NWD2: variants seen among roughly 807,000 people sequenced by gnomAD.
The protein encoded by NWD2 is NACHT and WD repeat domain-containing protein 2.
A neutral mutation model predicts 132.7 loss-of-function variants in NWD2; 37 were observed. That is an observed-to-expected ratio of 0.28 (90% CI 0.21 to 0.37). The LOEUF (loss-of-function observed/expected upper bound fraction) is 0.37. Among genes scored for constraint, NWD2 ranks in the 10% least tolerant of loss-of-function variants. The pLI is 1.00. For missense variants in NWD2, 1,592 were observed against 2,122.4 expected (o/e 0.75, Z 4.91); for synonymous variants, 705 against 803.0 (o/e 0.88, Z 2.06).
rs1162403325 is a variant in NWD2 at position 37,446,958 on chromosome 4, T to C, written c.4970T>C (p.Ile1657Thr). Residue 1657 changes from isoleucine (I) to threonine (T), a missense_variant, in exon 7 of 7, where the codon ATT becomes ACT. By Grantham distance (89) the Ile-to-Thr change is moderately conservative. Coordinates refer to ENST00000309447, the MANE Select transcript of NWD2 (RefSeq NM_001144990.2). The surrounding 1 kb of genome is among the most constrained non-coding windows in gnomAD (Gnocchi z 6.7). Reference sequence around the variant, plus strand: ...GTAGATGCTGCACTGAAAATCAAAATTGCCACTTCAAATAGCAGACAAATT... The same window carrying C: ...GTAGATGCTGCACTGAAAATCAAAACTGCCACTTCAAATAGCAGACAAATT... ...DRVDAALKIK[I>T]ATSNSRQIFN... 3.2e-6 allele frequency: 5 copies of C among 1,551,538 alleles called. No individual in the cohort carries two copies. The highest frequency in any genetic ancestry group is 1.2e-5 in the South Asian group (1 of 84,040).
intron 2 of NWD2, among the ~76,000 whole-genome samples, chr4:37,335,299 G>GT (rs1560397957): frequency 1.7e-4 from 8 of 47,658 alleles, no homozygotes; most frequent in Middle Eastern, 7.8e-3. Context: ...TGGGGGGTGG[G>GT]CGGGGGGGGG....
intron 3 of NWD2, among the ~76,000 whole-genome samples, chr4:37,396,162 CT>C (rs1178994309): frequency 2.6e-5 from 4 of 152,146 alleles, no homozygotes; most frequent in African/African-American, 9.7e-5. Context: ...ACTGGGAGCT[CT>C]TTCATGGAGC....
At chr4:37,393,479 A>T (rs2109312614) in intron 3 of NWD2, among the ~76,000 whole-genome samples, 1 of 152,338 alleles carries the variant, frequency 6.6e-6, no homozygotes. Context: ...AAAATCCATA[A>T]TTACTCAATA....
chr4:37,394,167 G>A (rs1285694721), intron 3 of NWD2, among the ~76,000 whole-genome samples: 1 of 152,140 alleles, frequency 6.6e-6, no homozygotes, highest in Non-Finnish European at 1.5e-5. Context: ...TAACCACACT[G>A]AGCACTTAAG....
intron 1 of NWD2, among the ~76,000 whole-genome samples, chr4:37,304,993 C>A (rs1037321887): frequency 8.5e-5 from 13 of 152,182 alleles, no homozygotes; most frequent in Non-Finnish European, 1.5e-4. Context: ...CAAACTTCTT[C>A]CTGGACATCC....
chr4:37,423,826 T>C lies in NWD2; in HGVS notation c.358-6746T>C, dbSNP rs1046538440. 2.0e-5 allele frequency among the ~76,000 whole-genome samples: 3 copies of C among 152,298 alleles called. No individual in the cohort carries two copies. The East Asian group carries it at 5.8e-4, about 29-fold the overall frequency. Reference sequence around the variant, plus strand: ...ACCATCACATCCCCATTTCTCCATTTCCCCTTTCTACTTGTGACATGAGAA... The same window carrying C: ...ACCATCACATCCCCATTTCTCCATTCCCCCTTTCTACTTGTGACATGAGAA... On this transcript the variant is annotated intron_variant, in intron 3 of 6. Coordinates refer to ENST00000309447, the MANE Select transcript of NWD2 (RefSeq NM_001144990.2).
chr4:37,394,274 G>GT (rs2109312897), intron 3 of NWD2, among the ~76,000 whole-genome samples: 1 of 152,220 alleles, frequency 6.6e-6, no homozygotes, highest in African/African-American at 2.4e-5. Flanking sequence ...CATCTTTGTT[G>GT]TTTTCACGTG....
chr4:37,265,751 C>T (rs577703370), intron 1 of NWD2, among the ~76,000 whole-genome samples: 1 of 152,066 alleles, frequency 6.6e-6, no homozygotes, highest in South Asian at 2.1e-4. Context: ...TTATAAGGAC[C>T]CTTGTGATTA....
chr4:37,260,205 T>C (rs1717600957), intron 1 of NWD2, among the ~76,000 whole-genome samples: 1 of 152,138 alleles, frequency 6.6e-6, no homozygotes, highest in Admixed American at 6.5e-5. Flanking sequence ...TGAGATAACA[T>C]GAGGGGAAGA....
chr4:37,312,867 T>C (rs1223251873), intron 1 of NWD2, among the ~76,000 whole-genome samples: 1 of 151,236 alleles, frequency 6.6e-6, no homozygotes, highest in African/African-American at 2.5e-5. Context: ...CAAAGACCTT[T>C]TCTGCATCTA....
intron 4 of NWD2, among the ~76,000 whole-genome samples, chr4:37,432,987 T>G (rs1712220425): frequency 6.6e-6 from 1 of 152,188 alleles, no homozygotes; most frequent in African/African-American, 2.4e-5. Context: ...AGCACAGCTG[T>G]GGGTTATCCG....
chr4:37,385,933 CT>C (rs1305581242), intron 3 of NWD2, among the ~76,000 whole-genome samples: 3 of 152,174 alleles, frequency 2.0e-5, no homozygotes, highest in Non-Finnish European at 2.9e-5. Context: ...TGTTACCATT[CT>C]TTGTTGTCTA....
At chr4:37,434,637 G>A (rs776136530) in intron 5 of NWD2, among the ~76,000 whole-genome samples, 13 of 152,080 alleles carry the variant, frequency 8.5e-5, no homozygotes, top group Non-Finnish European at 1.6e-4. Flanking sequence ...CCTGAATTAC[G>A]GAAGAAAATC....
intron 2 of NWD2, among the ~76,000 whole-genome samples, chr4:37,327,673 A>G (rs896769126): frequency 6.6e-6 from 1 of 152,198 alleles, no homozygotes; most frequent in African/African-American, 2.4e-5. Flanking sequence ...GCAGGAGTTC[A>G]CATCCATAAT....
intron 5 of NWD2, 129 bp from the exon 6 acceptor site, chr4:37,438,672 T>G (rs528919206): frequency 1.6e-6 from 1 of 616,378 alleles, no homozygotes; most frequent in East Asian, 2.8e-5. Flanking sequence ...GAAATTATTC[T>G]AAAGATTACT....
At position 37,307,011 on chromosome 4, in the gene NWD2, G is replaced by A. The variant is rs538756910; in HGVS notation, c.152-18925G>A. On this transcript the variant is annotated intron_variant, in intron 1 of 6. Transcript: ENST00000309447. ...TGCACTCCAGCCTAGGCGACAGAGC[G>A]AGACTCCATCAAAAAAAAAAAAAAA... 1.2e-3 allele frequency among the ~76,000 whole-genome samples: 184 copies of A among 147,386 alleles called. 1 individual carries two copies. The highest frequency in any genetic ancestry group is 2.5e-4 in the Non-Finnish European group (17 of 67,326).
chr4:37,268,484 CTG>C (rs1291506470), intron 1 of NWD2, among the ~76,000 whole-genome samples: 1 of 151,914 alleles, frequency 6.6e-6, no homozygotes, highest in African/African-American at 2.4e-5. Context: ...AACCAGGACT[CTG>C]TTGTATTCAT....
At chr4:37,260,810 G>C (rs1560379247) in intron 1 of NWD2, among the ~76,000 whole-genome samples, 1 of 152,176 alleles carries the variant, frequency 6.6e-6, no homozygotes, top group Non-Finnish European at 1.5e-5. Context: ...GGCAGACAGA[G>C]TGTGAACCCT....
intron 3 of NWD2, among the ~76,000 whole-genome samples, chr4:37,368,086 G>A (rs995455684): frequency 1.3e-5 from 2 of 151,998 alleles, no homozygotes; most frequent in Non-Finnish European, 2.9e-5. Flanking sequence ...TAACATAATC[G>A]CTAGCCTAGT....
Sources: gnomAD v4.1 joint callset for allele counts (sites outside exome capture counted in the v4.1 genomes callset) on GRCh38, gnomAD v4.1.1 for gene constraint, Gnocchi (gnomAD v3.1) non-coding constraint, MANE v1.5 for transcripts, NCBI Gene and HGNC (gene_info 2026-07-23, HGNC 2026-07-21) for gene names.